Variants in AKAP6 observed in about 807,000 individuals in gnomAD.
AKAP6 encodes A-kinase anchor protein 6.
In AKAP6, 58 loss-of-function variants were observed where a neutral mutation model predicts 188.5. That is an observed-to-expected ratio of 0.31 (90% CI 0.25 to 0.38). AKAP6 has a LOEUF of 0.38. Among genes scored for constraint, AKAP6 ranks in the 10% least tolerant of loss-of-function variants. The pLI is 1.00. For synonymous variants in AKAP6, 989 were observed against 998.6 expected (o/e 0.99, Z 0.18); for missense variants, 2,710 against 2,740.0 (o/e 0.99, Z 0.24).
At chr14:32,771,221 G>A (rs946103068) in intron 11 of AKAP6, among the ~76,000 whole-genome samples, 4 of 151,442 alleles carry the variant, frequency 2.6e-5, no homozygotes, top group African/African-American at 9.7e-5. Flanking sequence ...TGAAAAATAT[G>A]TTGGTCATGT....
chr14:32,681,131 G>A (rs1889658143), intron 8 of AKAP6, among the ~76,000 whole-genome samples: 1 of 152,164 alleles, frequency 6.6e-6, no homozygotes, highest in African/African-American at 2.4e-5. Context: ...TATGTGCATG[G>A]CATGATGCTC....
chr14:32,446,779 T>G (rs1233326604), intron 2 of AKAP6, among the ~76,000 whole-genome samples: 2 of 152,152 alleles, frequency 1.3e-5, no homozygotes, highest in Non-Finnish European at 2.9e-5. Context: ...TGTTGCAGGT[T>G]TCCAGAACAA....
intron 9 of AKAP6, among the ~76,000 whole-genome samples, chr14:32,704,802 G>T (rs991578433): frequency 6.6e-6 from 1 of 152,092 alleles, no homozygotes; most frequent in Non-Finnish European, 1.5e-5. Flanking sequence ...CATCAGGAAG[G>T]CATTGGTTAT....
intron 2 of AKAP6, among the ~76,000 whole-genome samples, chr14:32,445,986 T>C (rs934169213): frequency 4.6e-5 from 7 of 152,232 alleles, no homozygotes; most frequent in Non-Finnish European, 7.3e-5. Flanking sequence ...CTGGACATTT[T>C]GTATTTAGGA....
intron 10 of AKAP6, chr14:32,733,818 G>T (rs559462575): frequency 1.1e-4 from 17 of 152,234 alleles, no homozygotes; most frequent in African/African-American, 3.4e-4. Flanking sequence ...GGAGAAATGT[G>T]GTTAGTGTAT....
chr14:32,771,197 G>A (rs1370016400), intron 11 of AKAP6, among the ~76,000 whole-genome samples: 1 of 151,744 alleles, frequency 6.6e-6, no homozygotes, highest in East Asian at 1.9e-4. Context: ...TATCTTCTAG[G>A]TATAAAAAAG....
chr14:32,413,222 C>G (rs985804237), intron 1 of AKAP6, among the ~76,000 whole-genome samples: 2 of 142,510 alleles, frequency 1.4e-5, no homozygotes, highest in African/African-American at 5.4e-5. Flanking sequence ...TGCTTTGTTG[C>G]CCAGGCTGGA....
At chr14:32,564,253 G>A (rs911317691) in intron 4 of AKAP6, among the ~76,000 whole-genome samples, 1 of 152,108 alleles carries the variant, frequency 6.6e-6, no homozygotes, top group African/African-American at 2.4e-5. Context: ...TCCAAGCTTT[G>A]TTGAATTTAC....
At chr14:32,576,321 G>GCC (rs1283998186) in intron 4 of AKAP6, among the ~76,000 whole-genome samples, 16 of 152,112 alleles carry the variant, frequency 1.1e-4, no homozygotes, top group Non-Finnish European at 1.9e-4. Context: ...CAGGAGCCCA[G>GCC]CCCCATTTCT....
chr14:32,402,493 C>G (rs554020993), intron 1 of AKAP6, among the ~76,000 whole-genome samples: 1 of 152,154 alleles, frequency 6.6e-6, no homozygotes, highest in Admixed American at 6.5e-5. Flanking sequence ...TTATCTAGAC[C>G]AATTCATAGT....
intron 1 of AKAP6, among the ~76,000 whole-genome samples, chr14:32,376,361 G>A (rs574608026): frequency 1.1e-4 from 17 of 152,140 alleles, no homozygotes; most frequent in Admixed American, 2.0e-4. Flanking sequence ...TGTCTTATTC[G>A]TGGTGGTCAT....
intron 5 of AKAP6, among the ~76,000 whole-genome samples, chr14:32,586,272 T>C (rs7159837): frequency 0.083 from 12,583 of 152,196 alleles, 1,708 homozygotes; most frequent in African/African-American, 0.29. Flanking sequence ...TCCCATTGAT[T>C]CTCCTCCCTC....
Position 32,834,362 on chromosome 14 carries a change from G to C in AKAP6, c.*4557G>C, listed in dbSNP as rs913954722. On this transcript the variant is annotated 3_prime_UTR_variant, in exon 14 of 14. Transcript: ENST00000280979. ...GATTGCACCACTGCACTCCAGCCTGGGCAAGAAGAGTGAAATTTTGTCTCA... is the reference window on the plus strand; with the variant it reads ...GATTGCACCACTGCACTCCAGCCTGCGCAAGAAGAGTGAAATTTTGTCTCA... 6.6e-6 allele frequency: 1 copy of C among 151,892 alleles called. No homozygotes were observed. Among genetic ancestry groups the C allele is most frequent in the African/African-American group, 2.4e-5 (1 of 41,326 alleles). The allele number at this position is 151,892 out of a possible 1,614,324, so 9.4% of individuals were successfully genotyped here.
At position 32,620,949 on chromosome 14, in the gene AKAP6, A is replaced by G. The variant is rs543768613; in HGVS notation, c.2730+20157A>G. 4.7e-4 allele frequency among the ~76,000 whole-genome samples: 71 copies of G among 151,934 alleles called. 1 individual carries two copies. Among genetic ancestry groups the G allele is most frequent in the Non-Finnish European group, 9.0e-4 (61 of 67,934 alleles). On this transcript the variant is annotated intron_variant, in intron 7 of 13. Transcript: ENST00000280979. ...TCCTCTAGATTTTTTAGTTGTGTGC[A>G]TAGAGTTATTCATAGTAGTCTGGAA...
intron 1 of AKAP6, among the ~76,000 whole-genome samples, chr14:32,354,474 C>T (rs149215597): frequency 3.3e-5 from 5 of 152,244 alleles, no homozygotes; most frequent in African/African-American, 1.2e-4. Context: ...TTCTGTTTAG[C>T]GTGGTGTCTG....
At position 32,370,360 on chromosome 14, in the gene AKAP6, C is replaced by T. The variant is rs143225683; in HGVS notation, c.-35+40952C>T. 2.4e-4 allele frequency among the ~76,000 whole-genome samples: 37 copies of T among 152,292 alleles called. No homozygotes were observed. The East Asian group carries it at 3.7e-3, about 15-fold the overall frequency. Reference sequence around the variant, plus strand: ...TTGTGCCTTACAAAGACAGTGCTATCGAATTGATGGTGTTCTAGGTTCTTA... The same window carrying T: ...TTGTGCCTTACAAAGACAGTGCTATTGAATTGATGGTGTTCTAGGTTCTTA... On this transcript the variant is annotated intron_variant, in intron 1 of 13. Transcript: ENST00000280979.
chr14:32,747,713 C>G lies in AKAP6; in HGVS notation c.3372+11831C>G, dbSNP rs1399742283. 1.3e-5 allele frequency among the ~76,000 whole-genome samples: 2 copies of G among 152,302 alleles called. 1 individual carries two copies. Among genetic ancestry groups the G allele is most frequent in the South Asian group, 4.1e-4 (2 of 4,826 alleles). ...TTAATATAAATAAATATTATTCACACTACTGTCTGAGGGTGGTGGGAAAAC... is the reference window on the plus strand; with the variant it reads ...TTAATATAAATAAATATTATTCACAGTACTGTCTGAGGGTGGTGGGAAAAC... On this transcript the variant is annotated intron_variant, in intron 11 of 13. Coordinates refer to ENST00000280979, the MANE Select transcript of AKAP6 (RefSeq NM_004274.5).
At chr14:32,771,810 A>G (rs534795853) in intron 11 of AKAP6, among the ~76,000 whole-genome samples, 2 of 152,342 alleles carry the variant, frequency 1.3e-5, no homozygotes, top group South Asian at 2.1e-4. Context: ...GCACAGAAAC[A>G]TCTCTTTTGA....
chr14:32,802,420 G>A (rs2033975324), intron 12 of AKAP6, among the ~76,000 whole-genome samples: 1 of 152,110 alleles, frequency 6.6e-6, no homozygotes, highest in Non-Finnish European at 1.5e-5. Context: ...AATACAAAAG[G>A]TTACTAAACC....
Sources: gnomAD v4.1 joint callset for allele counts (sites outside exome capture counted in the v4.1 genomes callset) on GRCh38, gnomAD v4.1.1 for gene constraint, MANE v1.5 for transcripts, NCBI Gene and HGNC (gene_info 2026-07-23, HGNC 2026-07-21) for gene names.